MEGF6: variants seen among roughly 807,000 people sequenced by gnomAD.
MEGF6 encodes the protein multiple epidermal growth factor-like domains protein 6.
A neutral mutation model predicts 207.1 loss-of-function variants in MEGF6; 184 were observed. The observed-to-expected ratio is 0.89, with a 90% CI of 0.79 to 1.00. MEGF6 has a LOEUF of 1.00. Among genes scored for constraint, MEGF6 ranks in the 50% least tolerant of loss-of-function variants. MEGF6 has a pLI of 0.00. For missense variants in MEGF6, 2,282 were observed against 2,202.9 expected, an observed-to-expected ratio of 1.04 and a Z score of -0.72; for synonymous variants, 1,038 against 910.0, an observed-to-expected ratio of 1.14 and a Z score of -2.53.
Position 3,501,073 on chromosome 1 carries a change from C to A in MEGF6, c.2468G>T (p.Gly823Val). Reference protein sequence around the residue: ...CQDVCPAGWYGPSCQTRCSCA... With the variant: ...CQDVCPAGWYVPSCQTRCSCA... The stretch of plus-strand genomic sequence containing the variant: ...AGAGCACCTTGTCTGGCAGCTGGGA[C>A]CATACCAGCCTGCTGGGCACACTAC... The change falls in exon 20 of 37, where the codon GGT becomes GTT. Residue 823 changes from glycine (G) to valine (V), a missense_variant. Gly to Val is a moderately radical substitution (Grantham distance 109). Coordinates refer to ENST00000356575, the MANE Select transcript of MEGF6 (RefSeq NM_001409.4). The A allele has an allele frequency of 6.2e-7, 1 of 1,612,728 alleles. No individual in the cohort carries two copies. The highest frequency in any genetic ancestry group is 8.5e-7 in the Non-Finnish European group (1 of 1,179,932).
chr1:3,604,288 C>T (rs367781616), intron 1 of MEGF6, among the ~76,000 whole-genome samples: 2 of 152,172 alleles, frequency 1.3e-5, no homozygotes, highest in East Asian at 1.9e-4. Flanking sequence ...CCCGAGGTAG[C>T]GTTGATTCCT....
chr1:3,567,066 G>A (rs1643361803), intron 4 of MEGF6, among the ~76,000 whole-genome samples: 2 of 152,260 alleles, frequency 1.3e-5, no homozygotes, highest in African/African-American at 4.8e-5. Flanking sequence ...AGGTGCACTT[G>A]GGGCCTGCTG....
Position 3,499,093 on chromosome 1 carries a change from G to C in MEGF6, c.3094+45C>G, listed in dbSNP as rs368622121. Reference sequence around the variant, plus strand: ...GGCCCTGCAAGAGGCCAGCACCCTCGCTCAGGCCTGGACCCCGGTCCCTGG... The same window carrying C: ...GGCCCTGCAAGAGGCCAGCACCCTCCCTCAGGCCTGGACCCCGGTCCCTGG... On this transcript the variant is annotated intron_variant, in intron 24 of 36. Transcript: ENST00000356575. 2,976 of 1,589,260 alleles carry C rather than the reference G, an allele frequency of 1.9e-3. 5 individuals carry two copies. Among genetic ancestry groups the C allele is most frequent in the Non-Finnish European group, 2.4e-3 (2,827 of 1,170,044 alleles).
At chr1:3,611,728 GC>G (rs60020855), upstream of MEGF6, among the ~76,000 whole-genome samples, 100,015 of 129,274 alleles carry the variant, frequency 0.77, 40,219 homozygotes, top group South Asian at 0.89. Flanking sequence ...CCCGCCCCTA[GC>G]CCCCTCCCCT....
At chr1:3,509,293 C>G in intron 11 of MEGF6, 48 bp from the exon 12 acceptor site, 1 of 1,383,432 alleles carries the variant, frequency 7.2e-7, no homozygotes, top group Non-Finnish European at 9.3e-7. Flanking sequence ...CACCTGCCTG[C>G]TCCAGCGACC....
chr1:3,614,133 C>T (rs140386375), upstream of MEGF6, among the ~76,000 whole-genome samples: 64 of 152,334 alleles, frequency 4.2e-4, no homozygotes, highest in Non-Finnish European at 7.6e-4. Context: ...CCACTGCGCT[C>T]GCTCGTCCAT....
At chr1:3,526,346 C>T (rs1389601194) in intron 4 of MEGF6, among the ~76,000 whole-genome samples, 1 of 151,616 alleles carries the variant, frequency 6.6e-6, no homozygotes, top group African/African-American at 2.4e-5. Context: ...CAGACATGGG[C>T]ATTGCCCCAG....
Position 3,560,798 on chromosome 1 carries a change from G to C in MEGF6, c.481+19027C>G, listed in dbSNP as rs762248681. On this transcript the variant is annotated intron_variant, in intron 4 of 36. Coordinates refer to ENST00000356575, the MANE Select transcript of MEGF6 (RefSeq NM_001409.4). This position sits in a 1 kb window ranked among gnomAD's most constrained non-coding sequence, Gnocchi z 4.0. ...GGTCACCCGGCAGTCCCCTCTGGCAGCCACCGGAGCAGCCAGGAACAGCCT... is the reference window on the plus strand; with the variant it reads ...GGTCACCCGGCAGTCCCCTCTGGCACCCACCGGAGCAGCCAGGAACAGCCT... 6.4e-6 allele frequency: 3 copies of C among 470,144 alleles called. No individual in the cohort carries two copies. The highest frequency in any genetic ancestry group is 3.1e-5 in the South Asian group (2 of 63,940). 29.1% of individuals were successfully genotyped at this position (470,144 alleles called of 1,614,324 possible). A position where few individuals can be genotyped will look rare whatever the true frequency, so the allele number is the denominator to read the frequency against.
At chr1:3,589,350 C>T (rs1291595429) in intron 3 of MEGF6, among the ~76,000 whole-genome samples, 1 of 152,122 alleles carries the variant, frequency 6.6e-6, no homozygotes, top group Non-Finnish European at 1.5e-5. Context: ...GCAGCAGCCC[C>T]GGGAGCTCAT....
Position 3,496,648 on chromosome 1 carries a change from C to T in MEGF6, c.3742+7G>A, listed in dbSNP as rs1161797524. On this transcript the variant is annotated splice_region_variant and intron_variant, in intron 29 of 36. Transcript: ENST00000356575. The stretch of plus-strand genomic sequence containing the variant: ...GCCACTCAGCACTGCTGCCACCAGC[C>T]ACTCACTGAGGTTGCAGTCCGTCCC... 6.3e-7 allele frequency: 1 copy of T among 1,575,154 alleles called. No homozygotes were observed. Among genetic ancestry groups the T allele is most frequent in the African/African-American group, 1.4e-5 (1 of 73,866 alleles).
chr1:3,497,349 C>T lies in MEGF6; in HGVS notation c.3365G>A (p.Gly1122Asp), dbSNP rs777814775. 8 of 1,546,050 alleles carry T rather than the reference C, an allele frequency of 5.2e-6. No individual in the cohort carries two copies. In the East Asian group the frequency reaches 1.6e-4, roughly 31 times the overall value. ...CTGGGCACAGGCCTCTCCAAACCAG[C>T]CCCGCAGGCAGGCTGCAGAAAGATG... Reference protein sequence around the residue: ...GDKCQSPCLRGWFGEACAQRC... With the variant: ...GDKCQSPCLRDWFGEACAQRC... Residue 1122 changes from glycine to aspartate, a missense_variant, in exon 27 of 37, where the codon GGC (glycine) becomes GAC (aspartate). Coordinates refer to ENST00000356575, the MANE Select transcript of MEGF6 (RefSeq NM_001409.4).
chr1:3,530,696 C>T (rs896671707), intron 4 of MEGF6, among the ~76,000 whole-genome samples: 1 of 152,222 alleles, frequency 6.6e-6, no homozygotes, highest in African/African-American at 2.4e-5. Context: ...CTGGAGACCC[C>T]GGAGACTCAG....
At chr1:3,602,694 T>C (rs1178681422) in intron 1 of MEGF6, 94 bp from the exon 2 acceptor site, 4 of 1,494,332 alleles carry the variant, frequency 2.7e-6, no homozygotes, top group Non-Finnish European at 3.6e-6. Context: ...TCAGCTCATC[T>C]GGAGTGAGGT....
At chr1:3,531,822 AG>A (rs1218238415) in intron 4 of MEGF6, among the ~76,000 whole-genome samples, 1 of 117,594 alleles carries the variant, frequency 8.5e-6, no homozygotes, top group Non-Finnish European at 1.8e-5. Flanking sequence ...GGGGCGGGGG[AG>A]GGGGGCCGCG....
intron 4 of MEGF6, among the ~76,000 whole-genome samples, chr1:3,532,480 T>C (rs191350506): frequency 7.6e-4 from 116 of 152,306 alleles, no homozygotes; most frequent in Non-Finnish European, 1.3e-3. Context: ...CCTCCAGCAC[T>C]GGCGGTGAGG....
At chr1:3,534,671 C>A (rs1642273268) in intron 4 of MEGF6, among the ~76,000 whole-genome samples, 2 of 152,198 alleles carry the variant, frequency 1.3e-5, no homozygotes, top group Non-Finnish European at 2.9e-5. Context: ...AGACCCATGG[C>A]AGAGACAGTG....
chr1:3,511,163 C>G (rs1048701051), intron 9 of MEGF6, among the ~76,000 whole-genome samples: 9 of 152,246 alleles, frequency 5.9e-5, no homozygotes, highest in Non-Finnish European at 1.3e-4. Flanking sequence ...CCAGGGCCAC[C>G]CGCCTGTCTG....
At chr1:3,522,693 A>G (rs76319981) in intron 5 of MEGF6, among the ~76,000 whole-genome samples, 11,516 of 152,112 alleles carry the variant, frequency 0.076, 602 homozygotes, top group South Asian at 0.15. Context: ...AACAAAGCCT[A>G]GGAGAGTGAG....
chr1:3,492,652 G>A lies in MEGF6; in HGVS notation c.4503C>T (p.Pro1501=), dbSNP rs761741747. 2 of 1,610,862 alleles carry A rather than the reference G, an allele frequency of 1.2e-6. No homozygotes were observed. Among genetic ancestry groups the A allele is most frequent in the South Asian group, 2.2e-5 (2 of 91,048 alleles). Residue 1501 remains proline, a synonymous_variant, in exon 35 of 37, where the codon CCC becomes CCT. Transcript: ENST00000356575. ...QCHCVDGYMG[P]TCREGGPLRL... Reference sequence around the variant, plus strand: ...AGCCCAGCTCACCTTCCCGGCACGTGGGCCCCATGTAGCCATCCACACAGT... The same window carrying A: ...AGCCCAGCTCACCTTCCCGGCACGTAGGCCCCATGTAGCCATCCACACAGT...
Sources: gnomAD v4.1 joint callset for allele counts (sites outside exome capture counted in the v4.1 genomes callset) on GRCh38, gnomAD v4.1.1 for gene constraint, Gnocchi (gnomAD v3.1) non-coding constraint, MANE v1.5 for transcripts, NCBI Gene and HGNC (gene_info 2026-07-23, HGNC 2026-07-21) for gene names.